The following DLGAP1 variants were observed in gnomAD, a reference collection of about 807,000 sequenced individuals.
The protein encoded by DLGAP1 is DLG associated protein 1, also known as disks large-associated protein 1.
DLGAP1 carries 11 observed loss-of-function variants against 90.8 expected under a neutral mutation model. The ratio of observed to expected loss-of-function variants is 0.12; its 90% CI spans 0.08 to 0.20. The LOEUF (loss-of-function observed/expected upper bound fraction) is 0.20. DLGAP1 is among the 10% of genes least tolerant of loss of function. The pLI is 1.00. For missense variants in DLGAP1, 1,050 were observed against 1,333.8 expected, an observed-to-expected ratio of 0.79 and a Z score of 3.31; for synonymous variants, 558 against 540.7, an observed-to-expected ratio of 1.03 and a Z score of -0.44.
chr18:4,246,270 T>C (rs1568469466), intron 1 of DLGAP1, among the ~76,000 whole-genome samples: 1 of 151,022 alleles, frequency 6.6e-6, no homozygotes, highest in East Asian at 1.9e-4. Context: ...CCTGATTTGA[T>C]AAAAAAAAGG....
chr18:3,788,846 T>C (rs2065585680), intron 5 of DLGAP1, among the ~76,000 whole-genome samples: 1 of 152,192 alleles, frequency 6.6e-6, no homozygotes. Context: ...CCATTATTGT[T>C]ACAGCCACCT....
At chr18:4,136,910 TTTATTATAC>T (rs2076411072) in intron 2 of DLGAP1, among the ~76,000 whole-genome samples, 1 of 152,120 alleles carries the variant, frequency 6.6e-6, no homozygotes, top group African/African-American at 2.4e-5. Context: ...ATGTGGTTTT[TTTATTATAC>T]TTTAAGTTTT....
At chr18:3,966,507 G>GA (rs987277347) in intron 3 of DLGAP1, among the ~76,000 whole-genome samples, 13 of 152,172 alleles carry the variant, frequency 8.5e-5, no homozygotes, top group African/African-American at 3.1e-4. Context: ...TAGGGGATGA[G>GA]AAAATCTCTG....
At chr18:4,184,709 T>C (rs1270559479) in intron 1 of DLGAP1, among the ~76,000 whole-genome samples, 2 of 152,118 alleles carry the variant, frequency 1.3e-5, no homozygotes, top group African/African-American at 4.8e-5. Context: ...TTTTTATTTT[T>C]ATTTTTTAGG....
chr18:3,656,054 A>T (rs1291243063), intron 7 of DLGAP1: 2 of 1,536,616 alleles, frequency 1.3e-6, no homozygotes, highest in African/African-American at 2.8e-5. Flanking sequence ...TAAGCAAAAC[A>T]TTATTGATTT....
intron 1 of DLGAP1, among the ~76,000 whole-genome samples, chr18:4,170,659 C>A (rs925979571): frequency 2.0e-5 from 3 of 152,122 alleles, no homozygotes; most frequent in Admixed American, 1.3e-4. Context: ...GTGGGAGAAG[C>A]AGCAAATCTG....
At chr18:3,649,740 G>C (rs890911725) in intron 7 of DLGAP1, among the ~76,000 whole-genome samples, 3 of 152,034 alleles carry the variant, frequency 2.0e-5, no homozygotes, top group Admixed American at 2.0e-4. Context: ...AATAGAAAAG[G>C]GCAGTTGGAA....
chr18:4,401,937 T>C (rs1436965211), intron 1 of DLGAP1, among the ~76,000 whole-genome samples: 14 of 152,218 alleles, frequency 9.2e-5, no homozygotes, highest in Admixed American at 9.2e-4. Context: ...TTCTAAACTA[T>C]ATTTTAAGGC....
chr18:4,172,150 G>A (rs1376120280), intron 1 of DLGAP1, among the ~76,000 whole-genome samples: 1 of 152,138 alleles, frequency 6.6e-6, no homozygotes, highest in Non-Finnish European at 1.5e-5. Context: ...TTGATCCAAT[G>A]GTAGAGAACC....
intron 3 of DLGAP1, among the ~76,000 whole-genome samples, chr18:3,930,560 A>T (rs1568305743): frequency 6.6e-6 from 1 of 152,128 alleles, no homozygotes; most frequent in Non-Finnish European, 1.5e-5. Flanking sequence ...TCCCAGCCTG[A>T]AGGTACATGT....
At chr18:3,795,402 G>A (rs938017272) in intron 5 of DLGAP1, among the ~76,000 whole-genome samples, 3 of 151,954 alleles carry the variant, frequency 2.0e-5, no homozygotes, top group African/African-American at 7.3e-5. Context: ...TGCAACCTCC[G>A]CCCCCTGGGT....
chr18:3,545,840 G>A (rs2052982734), intron 9 of DLGAP1, among the ~76,000 whole-genome samples: 2 of 152,154 alleles, frequency 1.3e-5, no homozygotes, highest in Admixed American at 1.3e-4. Context: ...GTAGGTTTGA[G>A]ATCCAAAAAT....
At chr18:4,243,013 G>A (rs1443506621) in intron 1 of DLGAP1, among the ~76,000 whole-genome samples, 3 of 152,086 alleles carry the variant, frequency 2.0e-5, no homozygotes, top group Non-Finnish European at 4.4e-5. Context: ...ACACTGGTTT[G>A]GTGAGAAAGT....
At chr18:3,687,782 G>A (rs760455977) in intron 7 of DLGAP1, among the ~76,000 whole-genome samples, 5 of 152,094 alleles carry the variant, frequency 3.3e-5, no homozygotes, top group Non-Finnish European at 5.9e-5. Flanking sequence ...AGGAAGTGCA[G>A]TATGTATATA....
chr18:3,833,812 C>A (rs948718444), intron 4 of DLGAP1, among the ~76,000 whole-genome samples: 3 of 152,032 alleles, frequency 2.0e-5, no homozygotes, highest in African/African-American at 7.3e-5. Flanking sequence ...AATTTTGATA[C>A]CTTTATTAAG....
intron 1 of DLGAP1, among the ~76,000 whole-genome samples, chr18:4,255,905 CATT>C (rs997121672): frequency 6.6e-6 from 1 of 151,954 alleles, no homozygotes; most frequent in Non-Finnish European, 1.5e-5. Context: ...CAATATCAAT[CATT>C]ATTTGGTTTC....
chr18:3,740,357 T>C (rs1241625999), intron 6 of DLGAP1, among the ~76,000 whole-genome samples: 2 of 152,064 alleles, frequency 1.3e-5, no homozygotes, highest in African/African-American at 4.8e-5. Flanking sequence ...ATTGGGATAA[T>C]GTATATCATT....
At chr18:3,830,184 CAA>C (rs1192377087) in intron 4 of DLGAP1, among the ~76,000 whole-genome samples, 1 of 152,158 alleles carries the variant, frequency 6.6e-6, no homozygotes, top group Non-Finnish European at 1.5e-5. Flanking sequence ...TCTTTAAGGG[CAA>C]AAGAGTCATT....
intron 3 of DLGAP1, chr18:3,977,808 A>C (rs2073628199): frequency 2.6e-6 from 1 of 389,678 alleles, no homozygotes; most frequent in Non-Finnish European, 5.0e-6. Flanking sequence ...CAGAGGCGAC[A>C]ACCTGGTGCT....
Sources: gnomAD v4.1 joint callset for allele counts (sites outside exome capture counted in the v4.1 genomes callset) on GRCh38, gnomAD v4.1.1 for gene constraint, MANE v1.5 for transcripts, NCBI Gene and HGNC (gene_info 2026-07-23, HGNC 2026-07-21) for gene names.